Variants in RHAG observed in about 807,000 individuals in gnomAD.
RHAG encodes the protein ammonium transporter Rh type A.
In RHAG, 25 loss-of-function variants were observed where a neutral mutation model predicts 42.4. The ratio of observed to expected loss-of-function variants is 0.59; its 90% CI spans 0.43 to 0.82. RHAG has a LOEUF of 0.82. Among genes scored for constraint, RHAG ranks in the 40% least tolerant of loss-of-function variants. The pLI, the probability that RHAG is intolerant of heterozygous loss-of-function variation, is 0.00. For synonymous variants in RHAG, 182 were observed against 177.7 expected (o/e 1.02, Z -0.19); for missense variants, 483 against 504.6 (o/e 0.96, Z 0.41).
At chr6:49,635,186 G>A (rs1375374662) in intron 1 of RHAG, among the ~76,000 whole-genome samples, 1 of 151,470 alleles carries the variant, frequency 6.6e-6, no homozygotes, top group Non-Finnish European at 1.5e-5. Flanking sequence ...ACCTGGTGTT[G>A]ATCTCAAATT....
chr6:49,608,672 C>T (rs940740816), intron 7 of RHAG, among the ~76,000 whole-genome samples: 3 of 152,106 alleles, frequency 2.0e-5, no homozygotes, highest in South Asian at 4.1e-4. Flanking sequence ...CCACCGTGTC[C>T]GGTCTATATA....
chr6:49,623,399 G>A (rs1302118845), intron 1 of RHAG, among the ~76,000 whole-genome samples: 1 of 152,178 alleles, frequency 6.6e-6, no homozygotes, highest in Non-Finnish European at 1.5e-5. Flanking sequence ...GAGTTTGTGG[G>A]TGGGGACCAG....
chr6:49,608,130 CAT>C (rs1286602295), intron 7 of RHAG, among the ~76,000 whole-genome samples: 4 of 152,086 alleles, frequency 2.6e-5, no homozygotes, highest in African/African-American at 4.8e-5. Context: ...AAAATAAAAA[CAT>C]GTATTTTTAT....
At chr6:49,617,182 C>T (rs181894771) in intron 3 of RHAG, among the ~76,000 whole-genome samples, 1 of 152,234 alleles carries the variant, frequency 6.6e-6, no homozygotes, top group Admixed American at 6.5e-5. Flanking sequence ...GTTGTTGTTA[C>T]CTTGGCTTAA....
At position 49,619,345 on chromosome 6, in the gene RHAG, C is replaced by T. The variant is rs772107690; in HGVS notation, c.175G>A (p.Val59Ile). Residue 59 changes from valine to isoleucine, a missense_variant, in exon 2 of 10, where the codon GTT becomes ATT. Coordinates refer to ENST00000371175, the MANE Select transcript of RHAG (RefSeq NM_000324.3). ...ELYPLFQDVH[V>I]MIFVGFGFLM... Reference sequence around the variant, plus strand: ...AAGCCAAACCCAACAAATATCATAACATGTACATCTTGGAACACTGGAAAA... The same window carrying T: ...AAGCCAAACCCAACAAATATCATAATATGTACATCTTGGAACACTGGAAAA... 6.2e-7 allele frequency: 1 copy of T among 1,614,016 alleles called. No individual in the cohort carries two copies. The highest frequency in any genetic ancestry group is 8.5e-7 in the Non-Finnish European group (1 of 1,179,978).
At chr6:49,620,544 G>A (rs185669404) in intron 1 of RHAG, among the ~76,000 whole-genome samples, 4 of 144,062 alleles carry the variant, frequency 2.8e-5, no homozygotes, top group South Asian at 2.1e-4. Flanking sequence ...TCTTTTTTTG[G>A]GGGGGGAGAC....
chr6:49,627,744 C>G (rs1016710167), intron 1 of RHAG, among the ~76,000 whole-genome samples: 1 of 152,158 alleles, frequency 6.6e-6, no homozygotes, highest in Non-Finnish European at 1.5e-5. Context: ...AAACTCATGT[C>G]TTACATAGTG....
At chr6:49,624,151 T>C (rs1166060086) in intron 1 of RHAG, among the ~76,000 whole-genome samples, 1 of 152,224 alleles carries the variant, frequency 6.6e-6, no homozygotes, top group Non-Finnish European at 1.5e-5. Context: ...CCCATCCTCC[T>C]GGCTGTGATA....
At chr6:49,609,800 A>G (rs1168989539) in intron 7 of RHAG, among the ~76,000 whole-genome samples, 1 of 152,242 alleles carries the variant, frequency 6.6e-6, no homozygotes, top group African/African-American at 2.4e-5. Context: ...ACCTCTAGTT[A>G]GTGATCATTC....
At chr6:49,608,969 T>C (rs1015209007) in intron 7 of RHAG, among the ~76,000 whole-genome samples, 1 of 152,170 alleles carries the variant, frequency 6.6e-6, no homozygotes, top group Non-Finnish European at 1.5e-5. Flanking sequence ...TAACAAGTGT[T>C]CTGTGATCAA....
chr6:49,624,914 C>G (rs140001445), intron 1 of RHAG, among the ~76,000 whole-genome samples: 1 of 152,138 alleles, frequency 6.6e-6, no homozygotes, highest in East Asian at 1.9e-4. Flanking sequence ...ATGCATAAAA[C>G]CCCCCATATT....
At position 49,618,146 on chromosome 6, in the gene RHAG, G is replaced by T; in HGVS notation, c.414C>A (p.Pro138=). ...AAATTGTCATGATCAGCATTTGGGT[G>T]GGGCTCGTTTTTCCCAGGACAGCTC... The part of the protein sequence containing the change: ...SFGAVLGKTS[P]TQMLIMTILE... Residue 138 remains proline (P), a synonymous_variant, in exon 3 of 10, where the codon CCC becomes CCA. Transcript: ENST00000371175. 1 of 1,614,050 alleles carries T rather than the reference G, an allele frequency of 6.2e-7. No homozygotes were observed. The highest frequency in any genetic ancestry group is 2.2e-5 in the East Asian group (1 of 44,884).
rs139740432 is a variant in RHAG, at chr6:49,636,620, G to A, written c.157+36C>T. ...TTACATTCTGAGAAACCGAAGAACC[G>A]AAAAATGTATAGTAAGTAGTAAATT... On this transcript the variant is annotated intron_variant, in intron 1 of 9. Coordinates refer to ENST00000371175, the MANE Select transcript of RHAG (RefSeq NM_000324.3). 2.4e-4 allele frequency: 380 copies of A among 1,610,440 alleles called. 1 individual carries two copies. The African/African-American group carries it at 4.0e-3, about 17-fold the overall frequency.
intron 1 of RHAG, among the ~76,000 whole-genome samples, chr6:49,627,338 A>T (rs1477548253): frequency 1.3e-5 from 2 of 152,198 alleles, no homozygotes; most frequent in African/African-American, 2.4e-5. Context: ...TCTTCAGGGG[A>T]GGGGCAAAAC....
chr6:49,616,185 T>G (rs1261891726), intron 3 of RHAG, among the ~76,000 whole-genome samples: 2 of 151,630 alleles, frequency 1.3e-5, no homozygotes, highest in Non-Finnish European at 2.9e-5. Flanking sequence ...AGATTTTGAG[T>G]GAAATATGTA....
At chr6:49,632,565 A>G (rs1762949415) in intron 1 of RHAG, among the ~76,000 whole-genome samples, 1 of 152,198 alleles carries the variant, frequency 6.6e-6, no homozygotes, top group African/African-American at 2.4e-5. Flanking sequence ...GAAATATGTC[A>G]ACATTTGGAA....
intron 2 of RHAG, 27 bp downstream of exon 2, chr6:49,619,152 C>T (rs1295868968): frequency 4.3e-6 from 7 of 1,611,812 alleles, no homozygotes; most frequent in African/African-American, 1.3e-5. Flanking sequence ...AGGATGCAAA[C>T]ATTCAGCCCA....
At chr6:49,631,635 A>G (rs1353985177) in intron 1 of RHAG, among the ~76,000 whole-genome samples, 1 of 152,138 alleles carries the variant, frequency 6.6e-6, no homozygotes, top group African/African-American at 2.4e-5. Context: ...CTTTGCCCCA[A>G]CCTGGAACCA....
chr6:49,622,128 A>C (rs937718901), intron 1 of RHAG, among the ~76,000 whole-genome samples: 8 of 150,874 alleles, frequency 5.3e-5, no homozygotes, highest in Non-Finnish European at 1.2e-4. Context: ...GTGTTGTGGG[A>C]GGGACCTGGT....
Sources: gnomAD v4.1 joint callset for allele counts (sites outside exome capture counted in the v4.1 genomes callset) on GRCh38, gnomAD v4.1.1 for gene constraint, MANE v1.5 for transcripts, NCBI Gene and HGNC (gene_info 2026-07-23, HGNC 2026-07-21) for gene names.